Variants in NAXD observed in about 807,000 individuals in gnomAD.
The protein encoded by NAXD is NAD(P)HX dehydratase, also known as ATP-dependent (S)-NAD(P)H-hydrate dehydratase.
In NAXD, 22 loss-of-function variants were observed where a neutral mutation model predicts 35.8. That is an observed-to-expected ratio of 0.62 (90% CI 0.44 to 0.88). The LOEUF is 0.88. Among genes scored for constraint, NAXD ranks in the 40% least tolerant of loss-of-function variants. The probability of loss-of-function intolerance (pLI) is 0.00; values close to 1 mark genes in which losing one functional copy is unlikely to be tolerated. For missense variants in NAXD, 428 were observed against 437.7 expected (o/e 0.98, Z 0.20); for synonymous variants, 189 against 177.6 (o/e 1.06, Z -0.51).
chr13:110,615,470 G>T, upstream of NAXD: 1 of 797,664 alleles, frequency 1.3e-6, no homozygotes, highest in South Asian at 2.4e-5. Flanking sequence ...ATCTAGAACC[G>T]GGTGTGATTG....
chr13:110,637,671 T>C (rs1028300769), intron 9 of NAXD: 5 of 424,962 alleles, frequency 1.2e-5, no homozygotes, highest in Admixed American at 1.1e-4. Flanking sequence ...ACCAGGGCCC[T>C]TGGCCCAGTT....
intron 4 of NAXD, among the ~76,000 whole-genome samples, chr13:110,626,705 A>T (rs2139638788): frequency 6.6e-6 from 1 of 152,222 alleles, no homozygotes; most frequent in Middle Eastern, 3.4e-3. Context: ...GGTCAGTTGG[A>T]GATGAGGCCT....
chr13:110,633,097 A>G (rs1886779335), intron 5 of NAXD, among the ~76,000 whole-genome samples: 1 of 151,418 alleles, frequency 6.6e-6, no homozygotes, highest in Non-Finnish European at 1.5e-5. Context: ...CTCGTCGGGG[A>G]GGCTCGGGCC....
At position 110,638,423 on chromosome 13, in the gene NAXD, C is replaced by T. The variant is rs977128108; in HGVS notation, c.885C>T (p.Thr295=). The change falls in exon 10 of 10, where the codon ACC becomes ACT. Residue 295 remains threonine, a synonymous_variant. Coordinates refer to ENST00000680254, the MANE Select transcript of NAXD (RefSeq NM_001242882.2). This position sits in a 1 kb window ranked among gnomAD's most constrained non-coding sequence, Gnocchi z 5.4. ...CCGCGTTTGGCGCCTGCTCTCTCACCAGGCAGTGCAACCACCAAGCCTTCC... is the reference window on the plus strand; with the variant it reads ...CCGCGTTTGGCGCCTGCTCTCTCACTAGGCAGTGCAACCACCAAGCCTTCC... ...LVAAFGACSL[T]RQCNHQAFQK... is the part of the protein sequence containing the mutation. 3 of 1,613,534 alleles carry T rather than the reference C, an allele frequency of 1.9e-6. No homozygotes were observed. Among genetic ancestry groups the T allele is most frequent in the Admixed American group, 1.7e-5 (1 of 59,984 alleles).
At chr13:110,616,521 C>T (rs549506029) in intron 1 of NAXD, among the ~76,000 whole-genome samples, 3 of 152,362 alleles carry the variant, frequency 2.0e-5, no homozygotes, top group African/African-American at 4.8e-5. Flanking sequence ...CCTGCCCTGG[C>T]CTTGGCTGGT....
At chr13:110,624,719 C>G (rs1594172599) in intron 3 of NAXD, among the ~76,000 whole-genome samples, 1 of 152,252 alleles carries the variant, frequency 6.6e-6, no homozygotes, top group African/African-American at 2.4e-5. Context: ...GCCTCGGCCT[C>G]CCGAAGTGCT....
chr13:110,639,916 CTG>C lies in NAXD; in HGVS notation c.*1391_*1392del, dbSNP rs1345157716. 1.3e-5 allele frequency: 2 copies of C among 152,224 alleles called. No homozygotes were observed. Among genetic ancestry groups the C allele is most frequent in the African/African-American group, 2.4e-5 (1 of 41,452 alleles). 9.4% of individuals were successfully genotyped at this position (152,224 alleles called of 1,614,324 possible). The stretch of plus-strand genomic sequence containing the variant: ...CTACATGTGAACTTTTCCAGAAAAA[CTG>C]TGCCATGGACATTTTTCCTCTGGGG... On this transcript the variant is annotated 3_prime_UTR_variant, in exon 10 of 10. Coordinates refer to ENST00000680254, the MANE Select transcript of NAXD (RefSeq NM_001242882.2).
At chr13:110,636,755 C>T (rs1464833789) in intron 8 of NAXD, among the ~76,000 whole-genome samples, 3 of 152,236 alleles carry the variant, frequency 2.0e-5, no homozygotes, top group African/African-American at 7.2e-5. Context: ...GTGTGGGCTG[C>T]AGGTGAGGGC....
At chr13:110,633,321 C>T (rs559522246) in intron 5 of NAXD, among the ~76,000 whole-genome samples, 4 of 152,184 alleles carry the variant, frequency 2.6e-5, no homozygotes, top group East Asian at 1.9e-4. Context: ...CCGGCTGCTC[C>T]GAGTGCGGGG....
chr13:110,630,603 T>G (rs1472317990), intron 5 of NAXD, among the ~76,000 whole-genome samples: 1 of 152,188 alleles, frequency 6.6e-6, no homozygotes, highest in Admixed American at 6.5e-5. Flanking sequence ...CTCAGAAGCT[T>G]CTGCCTAACC....
Position 110,638,219 on chromosome 13 carries a change from T to C in NAXD, c.840-159T>C. 1 of 1,535,102 alleles carries C rather than the reference T, an allele frequency of 6.5e-7. No homozygotes were observed. The highest frequency in any genetic ancestry group is 2.3e-5 in the East Asian group (1 of 44,240). On this transcript the variant is annotated intron_variant, in intron 9 of 9. Coordinates refer to ENST00000680254, the MANE Select transcript of NAXD (RefSeq NM_001242882.2). The surrounding 1 kb of genome is among the most constrained non-coding windows in gnomAD (Gnocchi z 5.4). ...GGAGGGTTAATGGTGGTTTTCGCTG[T>C]GATAAACCTGCTTTCTCCTCAGGGG...
chr13:110,617,416 T>C (rs142857208), intron 1 of NAXD, among the ~76,000 whole-genome samples: 8 of 152,346 alleles, frequency 5.3e-5, no homozygotes, highest in Admixed American at 4.6e-4. Flanking sequence ...GGCCTTTTTA[T>C]CCTTCAGAAC....
chr13:110,626,254 GC>G (rs11333011), intron 4 of NAXD, among the ~76,000 whole-genome samples: 22,400 of 151,924 alleles, frequency 0.15, 1,965 homozygotes, highest in Admixed American at 0.26. Context: ...GGTGAGAGGG[GC>G]CGGATTCTGG....
chr13:110,618,681 T>TA (rs1403381228), intron 1 of NAXD, among the ~76,000 whole-genome samples: 3 of 152,208 alleles, frequency 2.0e-5, no homozygotes, highest in African/African-American at 7.2e-5. Context: ...CCTGATATCT[T>TA]ATCATTTTAA....
intron 1 of NAXD, among the ~76,000 whole-genome samples, chr13:110,618,587 G>A (rs914141479): frequency 1.3e-5 from 2 of 152,176 alleles, no homozygotes; most frequent in African/African-American, 4.8e-5. Context: ...TGTGGTAAAT[G>A]GGACTTTAAT....
chr13:110,615,694 C>T (rs1477787092), intron 1 of NAXD, 47 bp downstream of exon 1: 1 of 1,522,148 alleles, frequency 6.6e-7, no homozygotes, highest in Non-Finnish European at 8.8e-7. Flanking sequence ...CGCGCGGGGG[C>T]CGGAACTGCC....
Position 110,638,239 on chromosome 13 carries a change from CA to C in NAXD, c.840-138del. ...CGCTGTGATAAACCTGCTTTCTCCT[CA>C]GGGGCATATCAGACTTGAAATTGAC... On this transcript the variant is annotated intron_variant, in intron 9 of 9. Coordinates refer to ENST00000680254, the MANE Select transcript of NAXD (RefSeq NM_001242882.2). This position sits in a 1 kb window ranked among gnomAD's most constrained non-coding sequence, Gnocchi z 5.4. 1 of 1,554,772 alleles carries C rather than the reference CA, an allele frequency of 6.4e-7. No individual in the cohort carries two copies. Among genetic ancestry groups the C allele is most frequent in the Non-Finnish European group, 8.7e-7 (1 of 1,151,658 alleles).
chr13:110,634,099 G>T (rs543998433), intron 5 of NAXD, among the ~76,000 whole-genome samples: 1 of 152,176 alleles, frequency 6.6e-6, no homozygotes, highest in East Asian at 1.9e-4. Flanking sequence ...GAGTTCATTG[G>T]GTCTTTCTGC....
intron 8 of NAXD, among the ~76,000 whole-genome samples, chr13:110,636,837 G>C (rs187815274): frequency 6.6e-6 from 1 of 152,232 alleles, no homozygotes; most frequent in African/African-American, 2.4e-5. Context: ...GCTTGGGCTC[G>C]TCTGAGGCGG....
Sources: gnomAD v4.1 joint callset for allele counts (sites outside exome capture counted in the v4.1 genomes callset) on GRCh38, gnomAD v4.1.1 for gene constraint, Gnocchi (gnomAD v3.1) non-coding constraint, MANE v1.5 for transcripts, NCBI Gene and HGNC (gene_info 2026-07-23, HGNC 2026-07-21) for gene names.